NSL1: variants seen among roughly 807,000 people sequenced by gnomAD.
The protein encoded by NSL1 is NSL1 component of MIS12 kinetochore complex.
Under a neutral mutation model 25.4 loss-of-function variants are expected in NSL1, and 11 were observed. That is an observed-to-expected ratio of 0.43 (90% CI 0.27 to 0.72). The LOEUF (loss-of-function observed/expected upper bound fraction) is 0.72. NSL1 is among the 30% of genes least tolerant of loss of function. NSL1 has a pLI of 0.19. For synonymous variants in NSL1, 118 were observed against 120.6 expected, an observed-to-expected ratio of 0.98 and a Z score of 0.14; for missense variants, 330 against 342.7, an observed-to-expected ratio of 0.96 and a Z score of 0.29.
At chr1:212,770,761 A>G (rs113502317) in intron 4 of NSL1, among the ~76,000 whole-genome samples, 3,046 of 152,330 alleles carry the variant, frequency 0.02, 116 homozygotes, top group African/African-American at 0.07. Context: ...CTACAGGCCA[A>G]TATCCCTGAT....
intron 4 of NSL1, chr1:212,766,399 G>A (rs957305254): frequency 2.4e-6 from 1 of 422,342 alleles, no homozygotes; most frequent in African/African-American, 2.1e-5. Context: ...AACTGTCACT[G>A]TTTGCCAGTG....
intron 4 of NSL1, among the ~76,000 whole-genome samples, chr1:212,756,237 A>G (rs1344868298): frequency 1.3e-5 from 2 of 152,038 alleles, no homozygotes; most frequent in African/African-American, 4.8e-5. Flanking sequence ...CTCCCTCTGC[A>G]GCTTCCCGAG....
chr1:212,759,225 G>T (rs1009619402), intron 4 of NSL1, among the ~76,000 whole-genome samples: 1 of 152,158 alleles, frequency 6.6e-6, no homozygotes, highest in African/African-American at 2.4e-5. Context: ...TAAAATTTCT[G>T]TGCTTCAAAG....
At chr1:212,740,867 C>T (rs1178464646) in intron 4 of NSL1, among the ~76,000 whole-genome samples, 1 of 152,116 alleles carries the variant, frequency 6.6e-6, no homozygotes, top group Admixed American at 6.5e-5. Context: ...AAATTGATGG[C>T]ATAGTGATTA....
At position 212,730,598 on chromosome 1, in the gene NSL1, C is replaced by T. The variant is rs781575148; in HGVS notation, c.*7810G>A. On this transcript the variant is annotated 3_prime_UTR_variant, in exon 6 of 6. Transcript: ENST00000366977. The stretch of plus-strand genomic sequence containing the variant: ...ATTTTCTTCTCTAGCTATCCCAGGC[C>T]ACCCAGAAGTCAGGGGATGTGACCA... 9.7e-5 allele frequency: 96 copies of T among 985,264 alleles called. No homozygotes were observed. The highest frequency in any genetic ancestry group is 1.1e-4 in the Non-Finnish European group (95 of 829,918). The allele number at this position is 985,264 out of a possible 1,614,324, so 61.0% of individuals were successfully genotyped here.
chr1:212,750,614 C>T (rs1001024417), intron 4 of NSL1, among the ~76,000 whole-genome samples: 1 of 152,080 alleles, frequency 6.6e-6, no homozygotes, highest in African/African-American at 2.4e-5. Flanking sequence ...ATGAATTTTA[C>T]AGTTCTGTTA....
In NSL1 at chr1:212,737,097, C is replaced by G. The variant is rs1658260039; in HGVS notation, c.*1311G>C. ...ATGTTCAGAAACGCAGGGTGCTGACCCACCATCCAACTGAAGCTGAGCTCA... is the reference window on the plus strand; with the variant it reads ...ATGTTCAGAAACGCAGGGTGCTGACGCACCATCCAACTGAAGCTGAGCTCA... On this transcript the variant is annotated 3_prime_UTR_variant, in exon 6 of 6. Coordinates refer to ENST00000366977, the MANE Select transcript of NSL1 (RefSeq NM_015471.4). 1 of 985,240 alleles carries G rather than the reference C, an allele frequency of 1.0e-6. No homozygotes were observed. The allele number at this position is 985,240 out of a possible 1,614,324, so 61.0% of individuals were successfully genotyped here.
In NSL1 at chr1:212,729,290, G is replaced by T. The variant is rs1433725532; in HGVS notation, c.*9118C>A. The T allele has an allele frequency of 7.1e-6, 7 of 985,104 alleles. No individual in the cohort carries two copies. The highest frequency in any genetic ancestry group is 3.5e-5 in the African/African-American group (2 of 57,204). 61.0% of individuals were successfully genotyped at this position (985,104 alleles called of 1,614,324 possible). A position where few individuals can be genotyped will look rare whatever the true frequency, so the allele number is the denominator to read the frequency against. Reference sequence around the variant, plus strand: ...TCAGCTCCCTCTTTTCCCTCTAATGGATCCCTAGATGCTACTGATGGCTCC... The same window carrying T: ...TCAGCTCCCTCTTTTCCCTCTAATGTATCCCTAGATGCTACTGATGGCTCC... On this transcript the variant is annotated 3_prime_UTR_variant, in exon 6 of 6. Transcript: ENST00000366977.
chr1:212,738,766 A>T, intron 5 of NSL1, 80 bp from the exon 6 acceptor site: 17 of 960,598 alleles, frequency 1.8e-5, no homozygotes, highest in Middle Eastern at 4.8e-4. Context: ...CAGTACTCTA[A>T]TTTTTTTTTT....
chr1:212,786,204 G>A (rs1373213333), intron 2 of NSL1, among the ~76,000 whole-genome samples: 7 of 152,088 alleles, frequency 4.6e-5, no homozygotes, highest in Non-Finnish European at 4.4e-5. Flanking sequence ...TTACATGGAT[G>A]AATAGTACAG....
chr1:212,754,392 CAGA>C (rs545254719), intron 4 of NSL1, among the ~76,000 whole-genome samples: 141 of 152,182 alleles, frequency 9.3e-4, no homozygotes, highest in Middle Eastern at 6.8e-3. Context: ...CGAAGTGCTC[CAGA>C]AGAACAGGAA....
chr1:212,728,822 C>CG lies in NSL1; in HGVS notation c.*9585dup. The CG allele has an allele frequency of 1.0e-6, 1 of 985,342 alleles. No homozygotes were observed. The allele number at this position is 985,342 out of a possible 1,614,324, so 61.0% of individuals were successfully genotyped here. A position where few individuals can be genotyped will look rare whatever the true frequency, so the allele number is the denominator to read the frequency against. ...ACTCTGACTCGAGGAGGGCCCTCAG[C>CG]GCAGAGAAAATTAAGTCTAGTGTTT... On this transcript the variant is annotated 3_prime_UTR_variant, in exon 6 of 6. Transcript: ENST00000366977.
Position 212,736,945 on chromosome 1 carries a change from ACT to A in NSL1, c.*1461_*1462del, listed in dbSNP as rs1206607269. The A allele has an allele frequency of 5.1e-6, 5 of 983,730 alleles. No homozygotes were observed. The highest frequency in any genetic ancestry group is 1.7e-5 in the African/African-American group (1 of 57,182). The allele number at this position is 983,730 out of a possible 1,614,324, so 60.9% of individuals were successfully genotyped here. A position where few individuals can be genotyped will look rare whatever the true frequency, so the allele number is the denominator to read the frequency against. ...ATATAATCTAATAGAATTAACAATA[ACT>A]CTTTTGTTTGGGGACCTCTGAAGTG... On this transcript the variant is annotated 3_prime_UTR_variant, in exon 6 of 6. Transcript: ENST00000366977.
At position 212,729,525 on chromosome 1, in the gene NSL1, G is replaced by A; in HGVS notation, c.*8883C>T. 1 of 985,340 alleles carries A rather than the reference G, an allele frequency of 1.0e-6. No homozygotes were observed. Among genetic ancestry groups the A allele is most frequent in the South Asian group, 4.7e-5 (1 of 21,276 alleles). 61.0% of individuals were successfully genotyped at this position (985,340 alleles called of 1,614,324 possible). On this transcript the variant is annotated 3_prime_UTR_variant, in exon 6 of 6. Coordinates refer to ENST00000366977, the MANE Select transcript of NSL1 (RefSeq NM_015471.4). ...TGGGGTGTATGGGACCTGGAGCAGG[G>A]GTGCCCTACAACTTTGCCCATTTTT...
In NSL1 at chr1:212,731,524, T is replaced by C. The variant is rs1033221395; in HGVS notation, c.*6884A>G. On this transcript the variant is annotated 3_prime_UTR_variant, in exon 6 of 6. Transcript: ENST00000366977. ...TTTGTCTCTTAAACCAAATTTATTT[T>C]CCCTTAATTACTATATGCATTTAAT... 8.1e-6 allele frequency: 8 copies of C among 985,246 alleles called. No homozygotes were observed. The African/African-American group carries it at 1.2e-4, about 15-fold the overall frequency. The allele number at this position is 985,246 out of a possible 1,614,324, so 61.0% of individuals were successfully genotyped here.
At chr1:212,768,571 G>A (rs969323599) in intron 4 of NSL1, among the ~76,000 whole-genome samples, 1 of 152,172 alleles carries the variant, frequency 6.6e-6, no homozygotes, top group Admixed American at 6.5e-5. Flanking sequence ...AGCATTCGCA[G>A]CAACCTGGAT....
At position 212,760,110 on chromosome 1, in the gene NSL1, G is replaced by C. The variant is rs1365946443; in HGVS notation, c.500-20509C>G. 6.6e-6 allele frequency among the ~76,000 whole-genome samples: 1 copy of C among 151,398 alleles called. No homozygotes were observed. Among genetic ancestry groups the C allele is most frequent in the African/African-American group, 2.4e-5 (1 of 41,200 alleles). ...GCCCAATCATACTGTCCAGGGCCTG[G>C]GGATTGACCTGCCCCGCCAGCTGCT... On this transcript the variant is annotated intron_variant, in intron 4 of 5. Transcript: ENST00000366977. The surrounding 1 kb of genome is among the most constrained non-coding windows in gnomAD (Gnocchi z 4.3).
intron 4 of NSL1, among the ~76,000 whole-genome samples, chr1:212,761,596 T>C (rs1659567561): frequency 6.6e-6 from 1 of 151,990 alleles, no homozygotes; most frequent in Admixed American, 6.6e-5. Context: ...ACTGTGCCAC[T>C]GCACTCCAGC....
chr1:212,747,017 T>C (rs1330198280), intron 4 of NSL1, among the ~76,000 whole-genome samples: 1 of 151,812 alleles, frequency 6.6e-6, no homozygotes, highest in East Asian at 1.9e-4. Context: ...TGGAGGTGTG[T>C]GCCTGTAGTC....
Sources: gnomAD v4.1 joint callset for allele counts (sites outside exome capture counted in the v4.1 genomes callset) on GRCh38, gnomAD v4.1.1 for gene constraint, Gnocchi (gnomAD v3.1) non-coding constraint, MANE v1.5 for transcripts, NCBI Gene and HGNC (gene_info 2026-07-23, HGNC 2026-07-21) for gene names.